The following DCX variants were observed in gnomAD, a reference collection of about 807,000 sequenced individuals.
The protein encoded by DCX is neuronal migration protein doublecortin.
DCX carries 4 observed loss-of-function variants against 20.9 expected under a neutral mutation model. The observed-to-expected ratio is 0.19, with a 90% CI of 0.09 to 0.44. The LOEUF is 0.44. Among genes scored for constraint, DCX ranks in the 20% least tolerant of loss-of-function variants. The pLI is 0.99. For synonymous variants in DCX, 103 were observed against 111.4 expected (o/e 0.92, Z 0.47); for missense variants, 133 against 296.9 (o/e 0.45, Z 4.06).
intron 3 of DCX, among the ~76,000 whole-genome samples, 178 bp from the exon 4 acceptor site, chrX:111,333,331 T>A (rs1209985262): frequency 1.8e-5 from 2 of 111,699 alleles, no homozygotes; most frequent in Non-Finnish European, 3.8e-5. Flanking sequence ...TAGTGAGGGA[T>A]GATATACTGA....
intron 3 of DCX, among the ~76,000 whole-genome samples, chrX:111,351,439 G>T (rs561814279): frequency 3.6e-5 from 4 of 112,423 alleles, no homozygotes; most frequent in African/African-American, 1.3e-4. Flanking sequence ...GAATTCAACT[G>T]CAAAAAGTAA....
intron 5 of DCX, among the ~76,000 whole-genome samples, chrX:111,325,108 C>T (rs1864547127): frequency 9.0e-6 from 1 of 111,618 alleles, no homozygotes; most frequent in South Asian, 3.8e-4. Context: ...AATGTCTAAG[C>T]TGTCTTGTTT....
chrX:111,331,096 T>A, intron 4 of DCX, 55 bp from the exon 5 acceptor site: 1 of 1,185,844 alleles, frequency 8.4e-7, no homozygotes, highest in Non-Finnish European at 1.1e-6. Context: ...CTCAGCATGT[T>A]ATCAGCCTCT....
At chrX:111,392,461 A>G (rs771650742) in intron 3 of DCX, among the ~76,000 whole-genome samples, 1 of 112,051 alleles carries the variant, frequency 8.9e-6, no homozygotes, top group Non-Finnish European at 1.9e-5. Context: ...CTATTCAGCC[A>G]TAAAAAAGAA....
intron 3 of DCX, among the ~76,000 whole-genome samples, chrX:111,353,034 T>C (rs192048498): frequency 4.5e-5 from 5 of 111,974 alleles, no homozygotes; most frequent in African/African-American, 6.5e-5. Flanking sequence ...AACCCCAAAG[T>C]TGAGATAATG....
At chrX:111,349,977 G>T (rs1923171135) in intron 3 of DCX, among the ~76,000 whole-genome samples, 2 of 111,666 alleles carry the variant, frequency 1.8e-5, no homozygotes, top group Non-Finnish European at 3.8e-5. Flanking sequence ...AGGAGAGAGG[G>T]GAGGTATCAG....
At chrX:111,336,314 G>A (rs1921725611) in intron 3 of DCX, among the ~76,000 whole-genome samples, 1 of 112,239 alleles carries the variant, frequency 8.9e-6, no homozygotes, top group African/African-American at 3.2e-5. Context: ...CCCTCTTTGG[G>A]GGAGCCTCTA....
At chrX:111,394,638 AACAG>A (rs1169317031) in intron 3 of DCX, among the ~76,000 whole-genome samples, 1 of 112,291 alleles carries the variant, frequency 8.9e-6, no homozygotes, top group Non-Finnish European at 1.9e-5. Context: ...TTTTAAATGG[AACAG>A]CCTGCATCCC....
At chrX:111,365,603 C>T (rs1180481245) in intron 3 of DCX, among the ~76,000 whole-genome samples, 1 of 108,987 alleles carries the variant, frequency 9.2e-6, no homozygotes, top group African/African-American at 3.3e-5. Flanking sequence ...ATTAACCATC[C>T]CCACCTCCCC....
At position 111,307,018 on chromosome X, in the gene DCX, G is replaced by A. The variant is rs2095046852; in HGVS notation, c.1045-5275C>T. ...GGGTTGGATGAAAAGGGAAGGGGCT[G>A]CGACTGCTAATGGGTAAGGGGTTTA... On this transcript the variant is annotated intron_variant, in intron 6 of 6. Transcript: ENST00000636035. Among the ~76,000 whole-genome samples the A allele has an allele frequency of 2.7e-5, 3 of 110,678 alleles. No homozygotes were observed. In the South Asian group the frequency reaches 1.1e-3, roughly 42 times the overall value.
chrX:111,406,680 A>C, intron 2 of DCX, among the ~76,000 whole-genome samples: 1 of 112,585 alleles, frequency 8.9e-6, no homozygotes, highest in East Asian at 2.8e-4. Context: ...TAAGTCAAAG[A>C]AGCACAAAAG....
At chrX:111,384,330 C>G (rs1284581600) in intron 3 of DCX, among the ~76,000 whole-genome samples, 1 of 111,351 alleles carries the variant, frequency 9.0e-6, no homozygotes, top group Non-Finnish European at 1.9e-5. Context: ...ATTATTAAGT[C>G]ACTCTCCATT....
chrX:111,381,245 T>G (rs959691073), intron 3 of DCX, among the ~76,000 whole-genome samples: 2 of 110,741 alleles, frequency 1.8e-5, no homozygotes, highest in African/African-American at 6.6e-5. Flanking sequence ...TAGCTAAACT[T>G]AACAAGGTTG....
At chrX:111,387,956 T>C (rs914875874) in intron 3 of DCX, among the ~76,000 whole-genome samples, 2 of 112,023 alleles carry the variant, frequency 1.8e-5, no homozygotes, top group African/African-American at 3.2e-5. Context: ...ACACTACTTA[T>C]GGAAGTTAAG....
chrX:111,327,979 C>A (rs778055522), intron 5 of DCX, among the ~76,000 whole-genome samples: 1 of 112,389 alleles, frequency 8.9e-6, no homozygotes, highest in South Asian at 3.7e-4. Flanking sequence ...AACATTCTGG[C>A]AATTGCCATA....
In DCX at chrX:111,359,920, C is replaced by G. The variant is rs946971488; in HGVS notation, c.706-26767G>C. Reference sequence around the variant, plus strand: ...TGGGTATAAGTATACATTTATAAAGCCTTTGGGATGGAAATTTGGCAGAAT... The same window carrying G: ...TGGGTATAAGTATACATTTATAAAGGCTTTGGGATGGAAATTTGGCAGAAT... On this transcript the variant is annotated intron_variant, in intron 3 of 6. Transcript: ENST00000636035. 2.7e-5 allele frequency among the ~76,000 whole-genome samples: 3 copies of G among 111,386 alleles called. No individual in the cohort carries two copies. The Admixed American group carries it at 2.9e-4, about 11-fold the overall frequency.
intron 5 of DCX, among the ~76,000 whole-genome samples, chrX:111,326,906 T>TA (rs1367048508): frequency 8.9e-6 from 1 of 111,987 alleles, no homozygotes; most frequent in Non-Finnish European, 1.9e-5. Flanking sequence ...ATCAATTTAC[T>TA]AAACCTCAAG....
chrX:111,312,605 T>A, intron 6 of DCX, 34 bp downstream of exon 6: 1 of 1,182,301 alleles, frequency 8.5e-7, no homozygotes, highest in Non-Finnish European at 1.2e-6. Context: ...GGAAACTGAG[T>A]GCAAAGAGGT....
At chrX:111,331,583 G>A (rs1921250906) in intron 4 of DCX, among the ~76,000 whole-genome samples, 1 of 111,779 alleles carries the variant, frequency 8.9e-6, no homozygotes, top group Admixed American at 9.5e-5. Flanking sequence ...AGTTCTTTTC[G>A]ATTTCCCATG....
Sources: allele counts gnomAD v4.1 joint callset (sites outside exome capture counted in the v4.1 genomes callset), GRCh38; gene constraint gnomAD v4.1.1; transcripts MANE v1.5; gene names NCBI Gene and HGNC (gene_info 2026-07-23, HGNC 2026-07-21).